The following WWOX variants were observed in gnomAD, a reference collection of about 807,000 sequenced individuals.
WWOX encodes the protein WW domain-containing oxidoreductase.
A neutral mutation model predicts 46.2 loss-of-function variants in WWOX; 69 were observed. That is an observed-to-expected ratio of 1.49 (90% CI 1.23 to 1.82). WWOX has a LOEUF of 1.82. WWOX is among the 40% of genes most tolerant of loss of function. The probability of loss-of-function intolerance (pLI) is 0.00; values close to 1 mark genes in which losing one functional copy is unlikely to be tolerated. For missense variants in WWOX, 919 were observed against 542.6 expected (o/e 1.69, Z -6.89); for synonymous variants, 359 against 202.6 (o/e 1.77, Z -6.56).
chr16:78,708,042 C>T (rs1199502436), intron 8 of WWOX, among the ~76,000 whole-genome samples: 2 of 151,956 alleles, frequency 1.3e-5, no homozygotes, highest in African/African-American at 4.8e-5. Flanking sequence ...TACAGGACAC[C>T]TGGCCTGTTA....
At chr16:78,802,943 C>CAAA (rs1044478788) in intron 8 of WWOX, among the ~76,000 whole-genome samples, 1 of 40,840 alleles carries the variant, frequency 2.4e-5, no homozygotes, top group Non-Finnish European at 4.5e-5. Flanking sequence ...AAAAAAAAAA[C>CAAA]AACAAACAGA....
At chr16:78,752,435 A>G (rs1441545364) in intron 8 of WWOX, among the ~76,000 whole-genome samples, 3 of 152,100 alleles carry the variant, frequency 2.0e-5, no homozygotes, top group Admixed American at 6.5e-5. Context: ...TTACAGGCAC[A>G]CACCACCACA....
At chr16:78,427,782 A>ATTGTT (rs2083120964) in intron 7 of WWOX, among the ~76,000 whole-genome samples, 1 of 151,988 alleles carries the variant, frequency 6.6e-6, no homozygotes, top group Non-Finnish European at 1.5e-5. Flanking sequence ...CATCTCTAAA[A>ATTGTT]TAAAAATTAA....
intron 8 of WWOX, among the ~76,000 whole-genome samples, chr16:78,836,712 A>G (rs2051994969): frequency 6.6e-6 from 1 of 152,178 alleles, no homozygotes; most frequent in East Asian, 1.9e-4. Context: ...CTCACTTAAT[A>G]TCAGGCAGAT....
intron 8 of WWOX, among the ~76,000 whole-genome samples, chr16:79,083,280 C>T (rs1054796895): frequency 2.6e-5 from 4 of 152,116 alleles, no homozygotes; most frequent in African/African-American, 9.7e-5. Flanking sequence ...GTGACACTTC[C>T]AGATGGAAAT....
intron 5 of WWOX, among the ~76,000 whole-genome samples, chr16:78,373,414 G>C (rs566222269): frequency 6.6e-6 from 1 of 152,240 alleles, no homozygotes; most frequent in East Asian, 1.9e-4. Context: ...TTGAAGTATG[G>C]GGAACCCAAT....
intron 8 of WWOX, among the ~76,000 whole-genome samples, chr16:78,857,514 G>A (rs763306446): frequency 1.3e-5 from 2 of 152,114 alleles, no homozygotes; most frequent in Non-Finnish European, 2.9e-5. Context: ...AAACTTTAAT[G>A]CGATTAAGAC....
At chr16:78,967,286 CTTTTTTTTTTTTTT>C (rs71140849) in intron 8 of WWOX, among the ~76,000 whole-genome samples, 1 of 56,830 alleles carries the variant, frequency 1.8e-5, no homozygotes, top group African/African-American at 8.0e-5. Flanking sequence ...CTGCCGAGGC[CTTTTTTTTTTTTTT>C]TTTTTTTTTT....
At chr16:78,910,746 C>G (rs970513442) in intron 8 of WWOX, among the ~76,000 whole-genome samples, 1 of 151,808 alleles carries the variant, frequency 6.6e-6, no homozygotes, top group Non-Finnish European at 1.5e-5. Context: ...CATCAGATCT[C>G]GTGGGACTTA....
chr16:79,089,884 G>T (rs1435474822), intron 8 of WWOX, among the ~76,000 whole-genome samples: 6 of 151,670 alleles, frequency 4.0e-5, no homozygotes, highest in African/African-American at 1.5e-4. Context: ...GCGGTTCAAG[G>T]GGGGCTTGGG....
At chr16:78,627,402 C>A (rs1054310134) in intron 8 of WWOX, among the ~76,000 whole-genome samples, 1 of 152,136 alleles carries the variant, frequency 6.6e-6, no homozygotes. Flanking sequence ...TTACCTGTGT[C>A]CTCTCTATAC....
chr16:78,867,531 T>C (rs2044031937), intron 8 of WWOX, among the ~76,000 whole-genome samples: 2 of 151,590 alleles, frequency 1.3e-5, no homozygotes, highest in South Asian at 4.2e-4. Context: ...TGTTTTGTTT[T>C]TTTGTGTGTG....
chr16:79,160,849 C>T (rs114368893), intron 8 of WWOX, among the ~76,000 whole-genome samples: 309 of 151,402 alleles, frequency 2.0e-3, no homozygotes, highest in African/African-American at 6.4e-3. Context: ...CATGTGTGTA[C>T]GTATACACGC....
chr16:78,652,548 T>C (rs922534159), intron 8 of WWOX, among the ~76,000 whole-genome samples: 2 of 152,006 alleles, frequency 1.3e-5, no homozygotes, highest in Admixed American at 1.3e-4. Flanking sequence ...AGCAGTTGAC[T>C]CACCTCTCTG....
At chr16:78,683,255 A>G (rs535029609) in intron 8 of WWOX, among the ~76,000 whole-genome samples, 1 of 152,118 alleles carries the variant, frequency 6.6e-6, no homozygotes, top group South Asian at 2.1e-4. Context: ...TCACACTTGT[A>G]ATCTTAGCAC....
chr16:79,003,829 G>A (rs944842115), intron 8 of WWOX, among the ~76,000 whole-genome samples: 5 of 152,090 alleles, frequency 3.3e-5, no homozygotes, highest in Non-Finnish European at 7.3e-5. Flanking sequence ...GGGGAAGGCA[G>A]TCACCACTGT....
At chr16:79,078,804 G>C (rs2048707111) in intron 8 of WWOX, among the ~76,000 whole-genome samples, 2 of 152,180 alleles carry the variant, frequency 1.3e-5, no homozygotes, top group Admixed American at 6.5e-5. Flanking sequence ...TCTCCAAGTG[G>C]TGATAATGAG....
chr16:78,620,986 C>T (rs1024009145), intron 8 of WWOX, among the ~76,000 whole-genome samples: 11 of 152,114 alleles, frequency 7.2e-5, no homozygotes, highest in Non-Finnish European at 1.0e-4. Flanking sequence ...TTCTACATTG[C>T]AATTTCAAAA....
At chr16:78,404,761 G>C (rs1341066152) in intron 6 of WWOX, among the ~76,000 whole-genome samples, 1 of 152,046 alleles carries the variant, frequency 6.6e-6, no homozygotes, top group Non-Finnish European at 1.5e-5. Context: ...TTACTTTCCC[G>C]ACCAGCCCCC....
Sources: gnomAD v4.1 joint callset for allele counts (sites outside exome capture counted in the v4.1 genomes callset) on GRCh38, gnomAD v4.1.1 for gene constraint, MANE v1.5 for transcripts, NCBI Gene and HGNC (gene_info 2026-07-23, HGNC 2026-07-21) for gene names.